CACNA1S: variants seen among roughly 807,000 people sequenced by gnomAD.
CACNA1S encodes voltage-dependent L-type calcium channel subunit alpha-1S.
Under a neutral mutation model 207.4 loss-of-function variants are expected in CACNA1S, and 126 were observed. The observed-to-expected ratio is 0.61, with a 90% confidence interval of 0.53 to 0.70. The LOEUF (loss-of-function observed/expected upper bound fraction) is 0.70, where lower values mean the gene tolerates loss of function less well. CACNA1S is among the 30% of genes least tolerant of loss of function. CACNA1S has a pLI of 0.00. For synonymous variants in CACNA1S, 960 were observed against 932.7 expected (o/e 1.03, Z -0.53); for missense variants, 2,349 against 2,422.8 (o/e 0.97, Z 0.64).
At chr1:201,105,283 C>T (rs1662836047) in intron 2 of CACNA1S, among the ~76,000 whole-genome samples, 2 of 152,202 alleles carry the variant, frequency 1.3e-5, no homozygotes, top group Non-Finnish European at 2.9e-5. Flanking sequence ...GGCTTTTTGG[C>T]TGGTGAGCCT....
At chr1:201,067,082 A>AAGTGCTCTCCT in intron 19 of CACNA1S, 89 bp from the exon 20 acceptor site, 1 of 847,032 alleles carries the variant, frequency 1.2e-6, no homozygotes, top group Non-Finnish European at 2.0e-6. Flanking sequence ...TCTGCTCAGG[A>AAGTGCTCTCCT]GAGCACTTAC....
At chr1:201,062,158 G>T in intron 23 of CACNA1S, 68 bp from the exon 24 acceptor site, 1 of 1,569,564 alleles carries the variant, frequency 6.4e-7, no homozygotes, top group East Asian at 2.3e-5. Context: ...CACATCCTCT[G>T]GGCCCTGGGT....
At chr1:201,085,659 G>T (rs1572057281) in intron 7 of CACNA1S, 78 bp from the exon 8 acceptor site, 5 of 1,549,294 alleles carry the variant, frequency 3.2e-6, no homozygotes, top group Non-Finnish European at 4.4e-6. Flanking sequence ...CCTGAGGACA[G>T]ACAAGCCCAT....
chr1:201,089,543 T>G (rs1662156994), intron 5 of CACNA1S, 80 bp from the exon 6 acceptor site: 21 of 1,375,430 alleles, frequency 1.5e-5, no homozygotes, highest in Non-Finnish European at 2.1e-5. Flanking sequence ...TAAGAGCAAT[T>G]TAAGAGAATT....
chr1:201,073,026 G>A lies in CACNA1S; in HGVS notation c.2158-202C>T, dbSNP rs571192855. ...CCAGACAACTTGCAAAAGCTCCCACGGGGCAAGGCCTGAGCCCGCCCTAGC... is the reference window on the plus strand; with the variant it reads ...CCAGACAACTTGCAAAAGCTCCCACAGGGCAAGGCCTGAGCCCGCCCTAGC... On this transcript the variant is annotated intron_variant, in intron 15 of 43. Transcript: ENST00000362061. Among the ~76,000 whole-genome samples, 211 of 152,214 alleles carry A rather than the reference G, an allele frequency of 1.4e-3. 1 individual carries two copies. The highest frequency in any genetic ancestry group is 2.5e-3 in the Non-Finnish European group (173 of 68,020).
chr1:201,067,703 G>A (rs1661299220), intron 19 of CACNA1S, among the ~76,000 whole-genome samples: 1 of 152,124 alleles, frequency 6.6e-6, no homozygotes, highest in South Asian at 2.1e-4. Flanking sequence ...TAATGCACTT[G>A]CTACTGTCTG....
rs1290988823 is a variant in CACNA1S, at chr1:201,044,337, T to G, written c.4788A>C (p.Gly1596=). ...CCTGGCTCTCCCTCACCCGGAATAT[T>G]CCCTCCTCCATCGCAGCCTCCACCA... The part of the protein sequence containing the change: ...RAMVEAAMEE[G]IFRRTGGLFG... Residue 1596 remains glycine, a synonymous_variant, in exon 39 of 44, where the codon GGA becomes GGC. Transcript: ENST00000362061. 6.2e-7 allele frequency: 1 copy of G among 1,613,210 alleles called. No homozygotes were observed. Among genetic ancestry groups the G allele is most frequent in the South Asian group, 1.1e-5 (1 of 91,058 alleles).
At chr1:201,089,213 T>C in intron 6 of CACNA1S, 45 bp downstream of exon 6, 1 of 1,586,522 alleles carries the variant, frequency 6.3e-7, no homozygotes, top group Non-Finnish European at 8.7e-7. Flanking sequence ...CTTGCAAGCC[T>C]GTGGATGAAG....
At chr1:201,056,194 CT>C (rs1660839930) in intron 28 of CACNA1S, among the ~76,000 whole-genome samples, 1 of 152,336 alleles carries the variant, frequency 6.6e-6, no homozygotes, top group South Asian at 2.1e-4. Flanking sequence ...ACCGTCTGTT[CT>C]GTGCATGGAG....
At chr1:201,065,697 T>C in intron 22 of CACNA1S, 141 bp downstream of exon 22, 1 of 694,366 alleles carries the variant, frequency 1.4e-6, no homozygotes, top group Non-Finnish European at 2.7e-6. Context: ...TGAAGACCTA[T>C]TTTTCAAAAT....
chr1:201,058,377 C>A (rs755934221), intron 28 of CACNA1S, 31 bp downstream of exon 28: 1 of 1,585,932 alleles, frequency 6.3e-7, no homozygotes, highest in Non-Finnish European at 8.7e-7. Flanking sequence ...TGGGCCCACC[C>A]TAGTGATGGC....
chr1:201,099,105 C>A (rs1662545915), intron 2 of CACNA1S, among the ~76,000 whole-genome samples: 1 of 152,240 alleles, frequency 6.6e-6, no homozygotes, highest in Admixed American at 6.5e-5. Context: ...GTCAGCCAGT[C>A]CTGAATACTT....
At chr1:201,096,559 C>T (rs1352419603) in intron 2 of CACNA1S, among the ~76,000 whole-genome samples, 1 of 152,216 alleles carries the variant, frequency 6.6e-6, no homozygotes, top group East Asian at 1.9e-4. Flanking sequence ...TTTCCTGTGA[C>T]ACCCCCAAGC....
intron 28 of CACNA1S, among the ~76,000 whole-genome samples, chr1:201,056,554 C>T (rs3767503): frequency 6.6e-6 from 1 of 152,038 alleles, no homozygotes; most frequent in Non-Finnish European, 1.5e-5. Context: ...ATCAGCCAGC[C>T]CTTGGGTGAC....
Position 201,039,946 on chromosome 1 carries a change from C to T in CACNA1S, c.5507G>A (p.Arg1836Gln), listed in dbSNP as rs368214163. The T allele has an allele frequency of 5.6e-6, 9 of 1,614,072 alleles. No homozygotes were observed. Among genetic ancestry groups the T allele is most frequent in the East Asian group, 2.2e-5 (1 of 44,892 alleles). ...EIMATELLKGREAPEGMASSL... is the reference protein window; with the variant it reads ...EIMATELLKGQEAPEGMASSL... ...GCTGGCCATGCCCTCTGGGGCCTCT[C>T]GTCCTTTCAGTAGCTCTGTTGCCAT... The change falls in exon 44 of 44, where the codon CGA becomes CAA. Residue 1836 changes from arginine (R) to glutamine (Q), a missense_variant. Transcript: ENST00000362061.
At chr1:201,047,296 T>C (rs1286691879) in intron 37 of CACNA1S, 57 bp from the exon 38 acceptor site, 12 of 1,612,082 alleles carry the variant, frequency 7.4e-6, no homozygotes, top group African/African-American at 1.3e-5. Context: ...GACACTGGAT[T>C]CAGAGTGGGA....
rs202129712 is a variant in CACNA1S, at chr1:201,047,159, C to A, written c.4624G>T (p.Glu1542Ter). 5 of 1,614,198 alleles carry A rather than the reference C, an allele frequency of 3.1e-6. No individual in the cohort carries two copies. In the South Asian group the frequency reaches 5.5e-5, roughly 18 times the overall value. Residue 1542 changes from glutamate (E) to a stop codon, truncating the protein, a stop_gained, in exon 38 of 44, where the codon GAG becomes TAG. Transcript: ENST00000362061. LOFTEE classifies it high-confidence loss of function. The stretch of plus-strand genomic sequence containing the variant: ...TTCTTGGGCCGATAGCCATAATACT[C>A]CTCTTGGCGTTTCATGAACTTCCGG... The part of the protein sequence containing the change: ...HFRKFMKRQE[E>*]YYGYRPKKDI...
In CACNA1S at chr1:201,042,467, C is replaced by T. The variant is rs147865576; in HGVS notation, c.5048+814G>A. On this transcript the variant is annotated intron_variant, in intron 40 of 43. Coordinates refer to ENST00000362061, the MANE Select transcript of CACNA1S (RefSeq NM_000069.3). Reference sequence around the variant, plus strand: ...TGATTATTTGGTCCCAATCATATCACATAACATATCACCCAACAAGACGAC... The same window carrying T: ...TGATTATTTGGTCCCAATCATATCATATAACATATCACCCAACAAGACGAC... Among the ~76,000 whole-genome samples the T allele has an allele frequency of 5.0e-3, 761 of 152,344 alleles. 11 individuals are homozygous for T. Among genetic ancestry groups the T allele is most frequent in the African/African-American group, 0.016 (681 of 41,580 alleles).
In CACNA1S at chr1:201,103,055, C is replaced by T. The variant is rs12096617; in HGVS notation, c.258+7109G>A. ...AGAAAGATATTGTGGACCAGCCTGACCAACATGGTGAAACCCTGTCTCTAC... is the reference window on the plus strand; with the variant it reads ...AGAAAGATATTGTGGACCAGCCTGATCAACATGGTGAAACCCTGTCTCTAC... On this transcript the variant is annotated intron_variant, in intron 2 of 43. Transcript: ENST00000362061. Among the ~76,000 whole-genome samples the T allele has an allele frequency of 9.2e-3, 1,397 of 152,106 alleles. 22 individuals carry two copies. The highest frequency in any genetic ancestry group is 0.032 in the African/African-American group (1,327 of 41,480).
Sources: allele counts gnomAD v4.1 joint callset (sites outside exome capture counted in the v4.1 genomes callset), GRCh38; gene constraint gnomAD v4.1.1; transcripts MANE v1.5; gene names NCBI Gene and HGNC (gene_info 2026-07-23, HGNC 2026-07-21).